COL25A1: variants seen among roughly 807,000 people sequenced by gnomAD.
COL25A1 encodes collagen alpha-1(XXV) chain.
COL25A1 carries 103 observed loss-of-function variants against 128.4 expected under a neutral mutation model. The observed-to-expected ratio is 0.80, with a 90% CI of 0.68 to 0.94. The LOEUF is 0.94. COL25A1 is among the 40% of genes least tolerant of loss of function. The probability of loss-of-function intolerance (pLI) is 0.00; values close to 1 mark genes in which losing one functional copy is unlikely to be tolerated. For missense variants in COL25A1, 745 were observed against 840.0 expected, an observed-to-expected ratio of 0.89 and a Z score of 1.40; for synonymous variants, 279 against 277.2, an observed-to-expected ratio of 1.01 and a Z score of -0.06.
intron 3 of COL25A1, among the ~76,000 whole-genome samples, chr4:109,129,877 G>A (rs1769006816): frequency 1.3e-5 from 2 of 152,000 alleles, no homozygotes; most frequent in South Asian, 4.1e-4. Context: ...AAGATTAAAA[G>A]AATTGGGAGA....
At chr4:109,214,609 T>C (rs960369490) in intron 3 of COL25A1, among the ~76,000 whole-genome samples, 2 of 129,162 alleles carry the variant, frequency 1.5e-5, no homozygotes, top group Non-Finnish European at 3.1e-5. Context: ...TATATAAATA[T>C]ATATACATAT....
chr4:109,080,446 T>G (rs1393147091), intron 3 of COL25A1, among the ~76,000 whole-genome samples: 1 of 152,170 alleles, frequency 6.6e-6, no homozygotes, highest in East Asian at 1.9e-4. Context: ...AAATCACCTG[T>G]AGGACTCCGT....
rs1277865832 is a variant in COL25A1, at chr4:108,811,278, C to T, written c.*2649G>A. ...CTGAACAAGGAGGAGTATTTCCATC[C>T]CTTTGTTTTTCCCAAGGAAATAAAT... On this transcript the variant is annotated 3_prime_UTR_variant, in exon 38 of 38. Coordinates refer to ENST00000399132, the MANE Select transcript of COL25A1 (RefSeq NM_198721.4). 2 of 151,974 alleles carry T rather than the reference C, an allele frequency of 1.3e-5. No individual in the cohort carries two copies. The highest frequency in any genetic ancestry group is 2.4e-5 in the African/African-American group (1 of 41,400). 9.4% of individuals were successfully genotyped at this position (151,974 alleles called of 1,614,324 possible). A position where few individuals can be genotyped will look rare whatever the true frequency, so the allele number is the denominator to read the frequency against.
At chr4:109,011,317 T>G (rs1388580285) in intron 5 of COL25A1, among the ~76,000 whole-genome samples, 1 of 152,198 alleles carries the variant, frequency 6.6e-6, no homozygotes, top group Non-Finnish European at 1.5e-5. Context: ...GCCCAGGAAC[T>G]GTCTCTCTTA....
intron 31 of COL25A1, among the ~76,000 whole-genome samples, chr4:108,834,174 G>A (rs1258226588): frequency 6.6e-6 from 1 of 152,184 alleles, no homozygotes; most frequent in Non-Finnish European, 1.5e-5. Flanking sequence ...GGACAGAGTT[G>A]CAACCGTCCT....
intron 5 of COL25A1, among the ~76,000 whole-genome samples, chr4:109,019,349 TACACAC>T (rs758326280): frequency 2.0e-4 from 11 of 54,240 alleles, no homozygotes; most frequent in Non-Finnish European, 3.0e-4. Flanking sequence ...TACACACACA[TACACAC>T]ACACACACAC....
intron 3 of COL25A1, among the ~76,000 whole-genome samples, chr4:109,206,909 T>C (rs182935489): frequency 6.6e-6 from 1 of 152,316 alleles, no homozygotes; most frequent in East Asian, 1.9e-4. Flanking sequence ...TCAGCTGAGC[T>C]TGGCCTCCAA....
chr4:109,295,375 G>A (rs897405082), intron 3 of COL25A1, among the ~76,000 whole-genome samples: 3 of 152,036 alleles, frequency 2.0e-5, no homozygotes, highest in Non-Finnish European at 2.9e-5. Flanking sequence ...ATGCTTGAAG[G>A]CACTCAGATG....
At chr4:109,065,532 A>ACG (rs560432083) in intron 3 of COL25A1, among the ~76,000 whole-genome samples, 8,124 of 125,956 alleles carry the variant, frequency 0.064, 359 homozygotes, top group East Asian at 0.23. Flanking sequence ...TTGGTGCAGC[A>ACG]CGCGCGCGCG....
intron 30 of COL25A1, 125 bp from the exon 31 acceptor site, chr4:108,841,846 G>A (rs940109724): frequency 1.3e-6 from 1 of 781,954 alleles, no homozygotes; most frequent in East Asian, 2.7e-5. Flanking sequence ...TATAGGTAGA[G>A]GCAGGCTAGT....
intron 3 of COL25A1, among the ~76,000 whole-genome samples, chr4:109,131,868 C>G (rs1032126031): frequency 6.6e-6 from 1 of 152,136 alleles, no homozygotes; most frequent in African/African-American, 2.4e-5. Context: ...TGGACGATGT[C>G]AGCACACTCA....
intron 6 of COL25A1, among the ~76,000 whole-genome samples, chr4:108,975,371 G>T (rs1254355268): frequency 1.3e-5 from 2 of 152,194 alleles, no homozygotes; most frequent in African/African-American, 4.8e-5. Flanking sequence ...CAGGAGAATC[G>T]CTTGAACCTG....
chr4:109,284,827 T>C (rs569729929), intron 3 of COL25A1, among the ~76,000 whole-genome samples: 1 of 137,616 alleles, frequency 7.3e-6, no homozygotes, highest in Non-Finnish European at 1.5e-5. Context: ...TGTCCCCCCA[T>C]GCCCCACCCA....
chr4:108,987,868 GCTCCC>G (rs1472611649), intron 6 of COL25A1, among the ~76,000 whole-genome samples: 1 of 152,076 alleles, frequency 6.6e-6, no homozygotes, highest in Non-Finnish European at 1.5e-5. Context: ...CCATGATCTC[GCTCCC>G]CAAAGCATTA....
At chr4:108,844,682 A>G in intron 29 of COL25A1, 113 bp from the exon 30 acceptor site, 3 of 1,386,324 alleles carry the variant, frequency 2.2e-6, no homozygotes, top group Non-Finnish European at 2.9e-6. Context: ...AGAGGAAGAA[A>G]GATACTAGAA....
chr4:108,845,557 G>A (rs942215130), intron 28 of COL25A1, among the ~76,000 whole-genome samples: 78 of 152,078 alleles, frequency 5.1e-4, no homozygotes, highest in African/African-American at 1.3e-3. Flanking sequence ...ATGGTGGTGC[G>A]CAATTTAAAC....
chr4:109,246,416 A>G (rs972843407), intron 3 of COL25A1, among the ~76,000 whole-genome samples: 1 of 152,204 alleles, frequency 6.6e-6, no homozygotes, highest in Non-Finnish European at 1.5e-5. Flanking sequence ...TTGGATAGTC[A>G]AACAGGGTAA....
rs903417305 is a variant in COL25A1, at chr4:108,809,328, A to C, written c.*4599T>G. On this transcript the variant is annotated 3_prime_UTR_variant, in exon 38 of 38. Transcript: ENST00000399132. ...TTCTAAAGAAAAATCAGATACATAC[A>C]TCTTTTAAAATGTTATTAAGTTGAA... is the stretch of plus-strand genomic sequence containing the variant. 6.6e-6 allele frequency: 1 copy of C among 152,142 alleles called. No individual in the cohort carries two copies. The highest frequency in any genetic ancestry group is 2.4e-5 in the African/African-American group (1 of 41,452). 9.4% of individuals were successfully genotyped at this position (152,142 alleles called of 1,614,324 possible). A position where few individuals can be genotyped will look rare whatever the true frequency, so the allele number is the denominator to read the frequency against.
At chr4:109,103,522 T>C (rs1048332095) in intron 3 of COL25A1, among the ~76,000 whole-genome samples, 3 of 152,234 alleles carry the variant, frequency 2.0e-5, no homozygotes, top group Admixed American at 2.0e-4. Context: ...AATTTTTTAT[T>C]TGCCCATATA....
Sources: allele counts gnomAD v4.1 joint callset (sites outside exome capture counted in the v4.1 genomes callset), GRCh38; gene constraint gnomAD v4.1.1; transcripts MANE v1.5; gene names NCBI Gene and HGNC (gene_info 2026-07-23, HGNC 2026-07-21).